FHIT: variants seen among roughly 807,000 people sequenced by gnomAD.
FHIT encodes fragile histidine triad diadenosine triphosphatase.
FHIT carries 19 observed loss-of-function variants against 17.9 expected under a neutral mutation model. The ratio of observed to expected loss-of-function variants is 1.06; its 90% confidence interval spans 0.74 to 1.56. The LOEUF is 1.56. Among genes scored for constraint, FHIT ranks in the 40% most tolerant of loss-of-function variants. The probability of loss-of-function intolerance (pLI) is 0.00; values close to 1 mark genes in which losing one functional copy is unlikely to be tolerated. For missense variants in FHIT, 248 were observed against 189.2 expected (o/e 1.31, Z -1.82); for synonymous variants, 81 against 69.7 (o/e 1.16, Z -0.81).
At chr3:60,184,027 A>C (rs1228699803) in intron 5 of FHIT, among the ~76,000 whole-genome samples, 1 of 149,958 alleles carries the variant, frequency 6.7e-6, no homozygotes, top group Non-Finnish European at 1.5e-5. Flanking sequence ...GGTCTTTGCC[A>C]CTCAAGCTGG....
At chr3:59,887,891 C>T (rs1038867271) in intron 8 of FHIT, among the ~76,000 whole-genome samples, 2 of 152,164 alleles carry the variant, frequency 1.3e-5, no homozygotes, top group Non-Finnish European at 2.9e-5. Context: ...TGGTCTCTCC[C>T]TGGATTTTAT....
chr3:60,535,328 C>T (rs1189518160), intron 5 of FHIT, among the ~76,000 whole-genome samples: 1 of 152,144 alleles, frequency 6.6e-6, no homozygotes, highest in Non-Finnish European at 1.5e-5. Context: ...TTCATATTTT[C>T]ATCCCAGGTC....
intron 3 of FHIT, among the ~76,000 whole-genome samples, chr3:60,925,577 G>A (rs1575699880): frequency 6.6e-6 from 1 of 152,134 alleles, no homozygotes; most frequent in South Asian, 2.1e-4. Context: ...ACATGGAAAG[G>A]AACAACTGGT....
intron 5 of FHIT, among the ~76,000 whole-genome samples, chr3:60,022,125 T>C (rs983148981): frequency 2.0e-5 from 3 of 152,236 alleles, no homozygotes; most frequent in Non-Finnish European, 2.9e-5. Context: ...TTTCAGAGGA[T>C]GTTCTTTGGA....
At chr3:60,942,079 A>G (rs4974252) in intron 3 of FHIT, among the ~76,000 whole-genome samples, 141,646 of 152,222 alleles carry the variant, frequency 0.93, 66,751 homozygotes, top group East Asian at 1. Flanking sequence ...CACCTCCTGG[A>G]TTCAGGCAAT....
At chr3:60,500,890 A>G (rs2034499869) in intron 5 of FHIT, among the ~76,000 whole-genome samples, 1 of 151,912 alleles carries the variant, frequency 6.6e-6, no homozygotes, top group Non-Finnish European at 1.5e-5. Flanking sequence ...ACAAGCCTTG[A>G]TTGGCTTCTT....
chr3:60,146,167 C>G (rs1052091962), intron 5 of FHIT, among the ~76,000 whole-genome samples: 90 of 151,806 alleles, frequency 5.9e-4, no homozygotes, highest in African/African-American at 2.0e-3. Context: ...GGTTAATTTG[C>G]TCACATGACA....
intron 1 of FHIT, among the ~76,000 whole-genome samples, chr3:61,213,306 G>T (rs1320505792): frequency 1.3e-5 from 2 of 152,140 alleles, no homozygotes; most frequent in Non-Finnish European, 2.9e-5. Flanking sequence ...AAGGGATGGA[G>T]GAAGATCTAC....
chr3:60,228,544 T>C lies in FHIT; in HGVS notation c.104-214392A>G, dbSNP rs140102476. On this transcript the variant is annotated intron_variant, in intron 5 of 9. Coordinates refer to ENST00000492590, the MANE Select transcript of FHIT (RefSeq NM_002012.4). The stretch of plus-strand genomic sequence containing the variant: ...ACACATCCATGGCTCTGGATGGAGA[T>C]TGTCCAGGTTCAAATCCCAGCCCTA... Among the ~76,000 whole-genome samples, 121 of 152,250 alleles carry C rather than the reference T, an allele frequency of 7.9e-4. 1 individual carries two copies. Among genetic ancestry groups the C allele is most frequent in the African/African-American group, 2.7e-3 (112 of 41,556 alleles).
chr3:60,427,977 T>C (rs1424645575), intron 5 of FHIT, among the ~76,000 whole-genome samples: 1 of 152,150 alleles, frequency 6.6e-6, no homozygotes. Flanking sequence ...TTAGAACCAA[T>C]AATTGGCCAA....
intron 7 of FHIT, among the ~76,000 whole-genome samples, chr3:59,922,776 G>T (rs66507349): frequency 0.074 from 11,262 of 152,166 alleles, 532 homozygotes; most frequent in African/African-American, 0.13. Flanking sequence ...AATAAGAATT[G>T]GCTAACAGAG....
intron 5 of FHIT, among the ~76,000 whole-genome samples, chr3:60,429,242 A>G (rs993307848): frequency 2.0e-5 from 3 of 152,054 alleles, no homozygotes; most frequent in Non-Finnish European, 4.4e-5. Context: ...TACCTTCTTT[A>G]AGTGATTTTA....
At chr3:60,857,571 TAGC>T (rs1553750298) in intron 3 of FHIT, among the ~76,000 whole-genome samples, 51 of 152,020 alleles carry the variant, frequency 3.4e-4, no homozygotes, top group African/African-American at 1.2e-3. Context: ...GCCACAGAGT[TAGC>T]ATGCAATAAA....
intron 5 of FHIT, among the ~76,000 whole-genome samples, chr3:60,339,015 C>G (rs961337050): frequency 3.9e-5 from 6 of 152,102 alleles, no homozygotes; most frequent in African/African-American, 1.2e-4. Flanking sequence ...AAGATACCAT[C>G]TGGCATATAG....
At chr3:59,956,400 T>C (rs1456073722) in intron 7 of FHIT, among the ~76,000 whole-genome samples, 1 of 152,192 alleles carries the variant, frequency 6.6e-6, no homozygotes, top group African/African-American at 2.4e-5. Flanking sequence ...CCGGGCATGG[T>C]GGCTCACGCC....
intron 5 of FHIT, among the ~76,000 whole-genome samples, chr3:60,233,077 T>C (rs1192606159): frequency 6.6e-6 from 1 of 152,140 alleles, no homozygotes; most frequent in Non-Finnish European, 1.5e-5. Flanking sequence ...TAAAATAAGA[T>C]AGACCATGAG....
chr3:60,927,785 G>A (rs1032838849), intron 3 of FHIT, among the ~76,000 whole-genome samples: 9 of 152,290 alleles, frequency 5.9e-5, no homozygotes, highest in South Asian at 2.1e-4. Flanking sequence ...CCCTCTGCCC[G>A]GCCGCCAATC....
chr3:60,920,467 G>C (rs1245636528), intron 3 of FHIT, among the ~76,000 whole-genome samples: 1 of 152,092 alleles, frequency 6.6e-6, no homozygotes, highest in African/African-American at 2.4e-5. Flanking sequence ...GAGGCAGGTG[G>C]GGTTATAGTG....
intron 8 of FHIT, among the ~76,000 whole-genome samples, chr3:59,913,970 C>T (rs1370974639): frequency 2.6e-5 from 4 of 152,156 alleles, no homozygotes; most frequent in African/African-American, 9.7e-5. Context: ...ACAGTCTCCA[C>T]AAACAGCTGC....
Sources: gnomAD v4.1 joint callset for allele counts (sites outside exome capture counted in the v4.1 genomes callset) on GRCh38, gnomAD v4.1.1 for gene constraint, MANE v1.5 for transcripts, NCBI Gene and HGNC (gene_info 2026-07-23, HGNC 2026-07-21) for gene names.